ZMYM4: variants seen among roughly 807,000 people sequenced by gnomAD.
ZMYM4 encodes zinc finger MYM-type protein 4.
A neutral mutation model predicts 183.2 loss-of-function variants in ZMYM4; 31 were observed. The observed-to-expected ratio is 0.17, with a 90% CI of 0.13 to 0.23. The LOEUF is 0.23. Ranked by LOEUF, ZMYM4 falls within the 10% of genes least tolerant of loss-of-function variation. The probability of loss-of-function intolerance (pLI) is 1.00; values close to 1 mark genes in which losing one functional copy is unlikely to be tolerated. For missense variants in ZMYM4, 1,273 were observed against 1,840.3 expected, an observed-to-expected ratio of 0.69 and a Z score of 5.64; for synonymous variants, 592 against 631.2, an observed-to-expected ratio of 0.94 and a Z score of 0.93.
intron 7 of ZMYM4, among the ~76,000 whole-genome samples, chr1:35,380,291 G>C (rs968889905): frequency 3.6e-4 from 55 of 151,620 alleles, no homozygotes; most frequent in African/African-American, 1.3e-3. Context: ...TTGAAAAATT[G>C]GTTTTTATTA....
At chr1:35,328,597 A>G (rs1642606670) in intron 2 of ZMYM4, among the ~76,000 whole-genome samples, 1 of 151,716 alleles carries the variant, frequency 6.6e-6, no homozygotes, top group African/African-American at 2.4e-5. Context: ...CACCCAGCCA[A>G]CCAGAAAGTT....
At chr1:35,399,403 T>C in intron 22 of ZMYM4, 79 bp from the exon 23 acceptor site, 2 of 1,273,832 alleles carry the variant, frequency 1.6e-6, no homozygotes, top group South Asian at 1.3e-5. Context: ...GATTACCTGA[T>C]ATTTCTTTAC....
rs1016903544 is a variant in ZMYM4, at chr1:35,396,640, T to C, written c.3000T>C (p.Tyr1000=). Residue 1000 remains tyrosine, a synonymous_variant, in exon 19 of 30, where the codon TAT becomes TAC. Transcript: ENST00000314607. ...VPIPLHLYTQ[Y]APVPFGIPVP... The stretch of plus-strand genomic sequence containing the variant: ...TACCTCTTCACCTTTATACTCAATA[T>C]GCTCCAGTCCCATTTGGAATTCCAG... 4 of 1,613,766 alleles carry C rather than the reference T, an allele frequency of 2.5e-6. No homozygotes were observed. Among genetic ancestry groups the C allele is most frequent in the African/African-American group, 1.3e-5 (1 of 75,034 alleles).
At chr1:35,334,341 A>C (rs564445335) in intron 2 of ZMYM4, among the ~76,000 whole-genome samples, 89 of 152,112 alleles carry the variant, frequency 5.9e-4, no homozygotes, top group Non-Finnish European at 1.1e-3. Context: ...AAGCACTTTA[A>C]TACCTCACAT....
At chr1:35,360,410 CAG>C (rs1321121147) in intron 3 of ZMYM4, among the ~76,000 whole-genome samples, 1 of 152,020 alleles carries the variant, frequency 6.6e-6, no homozygotes, top group African/African-American at 2.4e-5. Context: ...TATTCTATAC[CAG>C]TCCTTGTATT....
At chr1:35,329,867 A>G (rs1642662251) in intron 2 of ZMYM4, among the ~76,000 whole-genome samples, 2 of 152,092 alleles carry the variant, frequency 1.3e-5, no homozygotes, top group South Asian at 4.1e-4. Context: ...TAAAAATTCT[A>G]ATAATAATTA....
chr1:35,377,487 T>G (rs568092388), intron 7 of ZMYM4, among the ~76,000 whole-genome samples: 2 of 152,336 alleles, frequency 1.3e-5, no homozygotes, highest in East Asian at 3.9e-4. Flanking sequence ...ATAGCCATAC[T>G]TCAGAGATAT....
rs1216436282 is a variant in ZMYM4, at chr1:35,389,638, C to T, written c.2437-310C>T. Among the ~76,000 whole-genome samples, 1 of 151,660 alleles carries T rather than the reference C, an allele frequency of 6.6e-6. No homozygotes were observed. Among genetic ancestry groups the T allele is most frequent in the Non-Finnish European group, 1.5e-5 (1 of 67,928 alleles). ...GGTGTGGTGGCGGGCGCCTGTAGTCCCAGCTACCTGGGAGGCTGAGGCAGG... is the reference window on the plus strand; with the variant it reads ...GGTGTGGTGGCGGGCGCCTGTAGTCTCAGCTACCTGGGAGGCTGAGGCAGG... On this transcript the variant is annotated intron_variant, in intron 14 of 29. Coordinates refer to ENST00000314607, the MANE Select transcript of ZMYM4 (RefSeq NM_005095.3). This position sits in a 1 kb window ranked among gnomAD's most constrained non-coding sequence, Gnocchi z 4.0.
chr1:35,408,272 T>C, intron 26 of ZMYM4, 113 bp downstream of exon 26: 1 of 1,294,888 alleles, frequency 7.7e-7, no homozygotes, highest in South Asian at 1.5e-5. Flanking sequence ...GTATTTTCAT[T>C]GGAACATTGT....
chr1:35,297,794 G>A (rs1169655050), intron 1 of ZMYM4, among the ~76,000 whole-genome samples: 4 of 152,154 alleles, frequency 2.6e-5, no homozygotes, highest in African/African-American at 9.6e-5. Flanking sequence ...GTTCCTGCTT[G>A]AGCCCTATAC....
intron 2 of ZMYM4, among the ~76,000 whole-genome samples, chr1:35,329,803 C>G (rs1642659282): frequency 6.6e-6 from 1 of 152,166 alleles, no homozygotes; most frequent in African/African-American, 2.4e-5. Context: ...GTCCTCCTTC[C>G]ACTGCCTCCC....
At chr1:35,275,070 A>G (rs2148669600) in intron 1 of ZMYM4, among the ~76,000 whole-genome samples, 1 of 152,322 alleles carries the variant, frequency 6.6e-6, no homozygotes, top group South Asian at 2.1e-4. Flanking sequence ...CTTCTTAGGA[A>G]TCATTAAGTT....
intron 9 of ZMYM4, among the ~76,000 whole-genome samples, chr1:35,385,185 C>G (rs1644549975): frequency 6.6e-6 from 1 of 152,142 alleles, no homozygotes; most frequent in Non-Finnish European, 1.5e-5. Flanking sequence ...TGGAAAATAT[C>G]AAAGTGCATT....
intron 25 of ZMYM4, among the ~76,000 whole-genome samples, chr1:35,406,673 C>T (rs906291604): frequency 6.6e-6 from 1 of 152,202 alleles, no homozygotes; most frequent in Non-Finnish European, 1.5e-5. Context: ...TACTGAATAT[C>T]TCTCTTATAT....
chr1:35,400,197 C>CTTT (rs1451470032), intron 23 of ZMYM4: 1 of 124,676 alleles, frequency 8.0e-6, no homozygotes, highest in African/African-American at 3.5e-5. Flanking sequence ...GAGTAGTTCA[C>CTTT]TATTTTTTTT....
rs968370900 is a variant in ZMYM4, at chr1:35,374,502, T to C, written c.1181+3875T>C. Among the ~76,000 whole-genome samples, 10 of 152,128 alleles carry C rather than the reference T, an allele frequency of 6.6e-5. No individual in the cohort carries two copies. The East Asian group carries it at 1.9e-3, about 29-fold the overall frequency. On this transcript the variant is annotated intron_variant, in intron 7 of 29. Transcript: ENST00000314607. The stretch of plus-strand genomic sequence containing the variant: ...AAAATTTCAGTGATATTTATCCTTT[T>C]ATAATCATAGCTATAGGCTGGGCAT...
At chr1:35,303,692 A>AT (rs1287615254) in intron 1 of ZMYM4, among the ~76,000 whole-genome samples, 1 of 152,056 alleles carries the variant, frequency 6.6e-6, no homozygotes, top group Non-Finnish European at 1.5e-5. Flanking sequence ...CTTTTGATAG[A>AT]ACTCATTTTT....
Position 35,378,733 on chromosome 1 carries a change from T to A in ZMYM4, c.1182-2526T>A, listed in dbSNP as rs578706. 1.2e-3 allele frequency among the ~76,000 whole-genome samples: 182 copies of A among 152,344 alleles called. 1 individual carries two copies. Among genetic ancestry groups the A allele is most frequent in the African/African-American group, 4.2e-3 (174 of 41,584 alleles). ...GATTTCTCTCTGGCTGTGAAAGTCC[T>A]AGATGGCATCGTTTTTCAATAGAAG... On this transcript the variant is annotated intron_variant, in intron 7 of 29. Transcript: ENST00000314607.
chr1:35,395,325 G>A (rs1319161333), intron 18 of ZMYM4, among the ~76,000 whole-genome samples: 2 of 150,668 alleles, frequency 1.3e-5, no homozygotes, highest in African/African-American at 2.4e-5. Flanking sequence ...GCCAAATGTG[G>A]TGCCTCATGC....
Sources: allele counts gnomAD v4.1 joint callset (sites outside exome capture counted in the v4.1 genomes callset), GRCh38; gene constraint gnomAD v4.1.1; non-coding constraint Gnocchi (gnomAD v3.1); transcripts MANE v1.5; gene names NCBI Gene and HGNC (gene_info 2026-07-23, HGNC 2026-07-21).